MACROH2A2: variants seen among roughly 807,000 people sequenced by gnomAD.
MACROH2A2 encodes the protein macroH2A.2 histone.
A neutral mutation model predicts 37.6 loss-of-function variants in MACROH2A2; 6 were observed. The ratio of observed to expected loss-of-function variants is 0.16; its 90% CI spans 0.09 to 0.32. MACROH2A2 has a LOEUF of 0.32. Ranked by LOEUF, MACROH2A2 falls within the 10% of genes least tolerant of loss-of-function variation. The pLI, the probability that MACROH2A2 is intolerant of heterozygous loss-of-function variation, is 1.00. For synonymous variants in MACROH2A2, 192 were observed against 202.7 expected, an observed-to-expected ratio of 0.95 and a Z score of 0.45; for missense variants, 290 against 485.9, an observed-to-expected ratio of 0.60 and a Z score of 3.79.
At chr10:70,105,906 G>A (rs2072334911) in intron 7 of MACROH2A2, among the ~76,000 whole-genome samples, 1 of 152,182 alleles carries the variant, frequency 6.6e-6, no homozygotes, top group Non-Finnish European at 1.5e-5. Flanking sequence ...GAAAGGTCAT[G>A]AGGTGCAGGT....
chr10:70,106,064 G>T (rs972503263), intron 7 of MACROH2A2, among the ~76,000 whole-genome samples: 8 of 152,326 alleles, frequency 5.3e-5, no homozygotes, highest in Non-Finnish European at 1.2e-4. Flanking sequence ...AAAACCCACA[G>T]TGTCACGGAA....
chr10:70,105,081 T>C (rs140709287), intron 7 of MACROH2A2, among the ~76,000 whole-genome samples: 181 of 152,258 alleles, frequency 1.2e-3, no homozygotes, highest in African/African-American at 4.1e-3. Flanking sequence ...AAGTCCAGGG[T>C]TTCCAGGGCT....
chr10:70,070,885 C>G (rs2136622200), intron 1 of MACROH2A2, among the ~76,000 whole-genome samples: 1 of 152,326 alleles, frequency 6.6e-6, no homozygotes, highest in South Asian at 2.1e-4. Flanking sequence ...TGTGACTTCT[C>G]TTGGCAGCTA....
Position 70,058,400 on chromosome 10 carries a change from C to G in MACROH2A2, c.-60+5400C>G, listed in dbSNP as rs2072029612. ...GTACAGACATTTACTCCAACTGATT[C>G]TGAGATGTCAGAAGGGTTAGATACA... On this transcript the variant is annotated intron_variant, in intron 1 of 8. Transcript: ENST00000373255. 2.0e-5 allele frequency among the ~76,000 whole-genome samples: 3 copies of G among 152,170 alleles called. No individual in the cohort carries two copies. In the South Asian group the frequency reaches 6.2e-4, roughly 31 times the overall value.
At chr10:70,066,874 A>G (rs1032004458) in intron 1 of MACROH2A2, among the ~76,000 whole-genome samples, 4 of 152,096 alleles carry the variant, frequency 2.6e-5, no homozygotes, top group Non-Finnish European at 4.4e-5. Context: ...TCAGCTCACA[A>G]TGCAATCAAG....
chr10:70,082,479 T>C (rs1220968522), intron 2 of MACROH2A2, among the ~76,000 whole-genome samples: 1 of 151,980 alleles, frequency 6.6e-6, no homozygotes, highest in Non-Finnish European at 1.5e-5. Context: ...AAACAGATAT[T>C]TGTGCAACCA....
intron 1 of MACROH2A2, among the ~76,000 whole-genome samples, chr10:70,073,011 T>A (rs2072119273): frequency 6.6e-6 from 1 of 152,054 alleles, no homozygotes; most frequent in South Asian, 2.1e-4. Flanking sequence ...ATTTTTCAGC[T>A]CCATTATGAT....
intron 2 of MACROH2A2, among the ~76,000 whole-genome samples, chr10:70,081,523 G>A (rs1021586889): frequency 2.6e-5 from 4 of 152,104 alleles, no homozygotes; most frequent in South Asian, 2.1e-4. Flanking sequence ...AGATGTGAGC[G>A]TGTGACGCGT....
chr10:70,089,192 T>C (rs1319738906), intron 2 of MACROH2A2, among the ~76,000 whole-genome samples: 1 of 152,226 alleles, frequency 6.6e-6, no homozygotes, highest in Non-Finnish European at 1.5e-5. Flanking sequence ...TCTTCAGAGA[T>C]GGCCCTGTGC....
At chr10:70,071,210 G>C (rs1278567680) in intron 1 of MACROH2A2, among the ~76,000 whole-genome samples, 2 of 152,168 alleles carry the variant, frequency 1.3e-5, no homozygotes, top group Admixed American at 1.3e-4. Flanking sequence ...CATATTCACA[G>C]AGCACGTCCA....
At chr10:70,065,423 C>A (rs1033264118) in intron 1 of MACROH2A2, among the ~76,000 whole-genome samples, 2 of 152,018 alleles carry the variant, frequency 1.3e-5, no homozygotes, top group African/African-American at 4.8e-5. Context: ...GATCACCAGA[C>A]ATTTAAGAAA....
At chr10:70,074,886 C>T (rs2072131718) in intron 1 of MACROH2A2, among the ~76,000 whole-genome samples, 1 of 152,172 alleles carries the variant, frequency 6.6e-6, no homozygotes. Flanking sequence ...GACTAATACA[C>T]TAACCATTAT....
intron 2 of MACROH2A2, among the ~76,000 whole-genome samples, chr10:70,085,159 T>C (rs61375839): frequency 0.16 from 24,264 of 152,120 alleles, 2,001 homozygotes; most frequent in East Asian, 0.24. Flanking sequence ...GAATCACTCC[T>C]AGATCTCTGG....
intron 1 of MACROH2A2, among the ~76,000 whole-genome samples, chr10:70,055,871 A>G (rs1374821655): frequency 6.6e-6 from 1 of 152,216 alleles, no homozygotes; most frequent in African/African-American, 2.4e-5. Context: ...AGTAGAAAAC[A>G]GCCTAACAGC....
At position 70,075,816 on chromosome 10, in the gene MACROH2A2, T is replaced by C; in HGVS notation, c.158T>C (p.Ile53Thr). 1 of 1,613,172 alleles carries C rather than the reference T, an allele frequency of 6.2e-7. No homozygotes were observed. The highest frequency in any genetic ancestry group is 8.5e-7 in the Non-Finnish European group (1 of 1,179,854). The change falls in exon 2 of 9, where the codon ATT becomes ACT. Residue 53 changes from isoleucine to threonine, a missense_variant. This residue lies in a region of MACROH2A2 where 83 missense variants were observed against 159.9 expected (regional missense o/e 0.52). Transcript: ENST00000373255. The surrounding 1 kb of genome is among the most constrained non-coding windows in gnomAD (Gnocchi z 5.0). ...GCCCCTGTCTACATGGCGGCAGTCA[T>C]TGAGTACCTGGCAGGTAATGAGGAC... ...VGAPVYMAAV[I>T]EYLAAEILEL...
rs148288905 is a variant in MACROH2A2, at chr10:70,089,091, G to A, written c.173-969G>A. On this transcript the variant is annotated intron_variant, in intron 2 of 8. Transcript: ENST00000373255. Reference sequence around the variant, plus strand: ...TGCACTCCAGCCTGGGCAACAGAACGAGCAAGACTCCGTCTCAACAAAAAA... The same window carrying A: ...TGCACTCCAGCCTGGGCAACAGAACAAGCAAGACTCCGTCTCAACAAAAAA... Among the ~76,000 whole-genome samples the A allele has an allele frequency of 4.3e-3, 657 of 152,274 alleles. 5 individuals carry two copies. Among genetic ancestry groups the A allele is most frequent in the African/African-American group, 0.015 (627 of 41,558 alleles).
At chr10:70,088,222 GCA>G (rs1231574432) in intron 2 of MACROH2A2, among the ~76,000 whole-genome samples, 4 of 147,088 alleles carry the variant, frequency 2.7e-5, no homozygotes, top group Non-Finnish European at 6.0e-5. Flanking sequence ...GTACATTCAC[GCA>G]CACACACACG....
chr10:70,064,675 A>G (rs2072069060), intron 1 of MACROH2A2, among the ~76,000 whole-genome samples: 1 of 152,140 alleles, frequency 6.6e-6, no homozygotes, highest in South Asian at 2.1e-4. Flanking sequence ...TGGGTTTATC[A>G]GGGGTTTCTG....
At position 70,078,627 on chromosome 10, in the gene MACROH2A2, G is replaced by A. The variant is rs116438909; in HGVS notation, c.172+2797G>A. Among the ~76,000 whole-genome samples, 1,307 of 152,282 alleles carry A rather than the reference G, an allele frequency of 8.6e-3. 27 individuals are homozygous for A. The highest frequency in any genetic ancestry group is 0.03 in the African/African-American group (1,227 of 41,544). ...AGCTAATATGTGTAAAACACCTGGCGTATAGGATGCACTCAATAAATGCTA... is the reference window on the plus strand; with the variant it reads ...AGCTAATATGTGTAAAACACCTGGCATATAGGATGCACTCAATAAATGCTA... On this transcript the variant is annotated intron_variant, in intron 2 of 8. Transcript: ENST00000373255.
Sources: gnomAD v4.1 joint callset for allele counts (sites outside exome capture counted in the v4.1 genomes callset) on GRCh38, gnomAD v4.1.1 for gene constraint, gnomAD v4.1.1 regional missense constraint, Gnocchi (gnomAD v3.1) non-coding constraint, MANE v1.5 for transcripts, NCBI Gene and HGNC (gene_info 2026-07-23, HGNC 2026-07-21) for gene names.